Variants in ZSCAN2 observed in about 807,000 individuals in gnomAD.
ZSCAN2 encodes zinc finger and SCAN domain containing 2, also known as zinc finger and SCAN domain-containing protein 2.
ZSCAN2 carries 26 observed loss-of-function variants against 47.8 expected under a neutral mutation model. The observed-to-expected ratio is 0.54, with a 90% CI of 0.40 to 0.75. The LOEUF (loss-of-function observed/expected upper bound fraction) is 0.75. ZSCAN2 is among the 30% of genes least tolerant of loss of function. ZSCAN2 has a pLI of 0.00. For missense variants in ZSCAN2, 732 were observed against 785.4 expected (o/e 0.93, Z 0.81); for synonymous variants, 305 against 288.7 (o/e 1.06, Z -0.57).
At chr15:84,616,546 T>C (rs1439401575) in intron 2 of ZSCAN2, 8 of 1,310,028 alleles carry the variant, frequency 6.1e-6, no homozygotes, top group Non-Finnish European at 6.8e-6. Flanking sequence ...AGCCCTGACA[T>C]GTATTTTGGT....
At chr15:84,602,587 C>CTTTTTTTTTT (rs981357914) in intron 1 of ZSCAN2, among the ~76,000 whole-genome samples, 60 of 115,710 alleles carry the variant, frequency 5.2e-4, no homozygotes, top group Middle Eastern at 5.0e-3. Context: ...CTTTTCTTTT[C>CTTTTTTTTTT]TTTTTTTTTT....
intron 2 of ZSCAN2, among the ~76,000 whole-genome samples, chr15:84,605,472 T>C (rs1451829137): frequency 1.3e-5 from 2 of 152,126 alleles, no homozygotes; most frequent in Non-Finnish European, 2.9e-5. Context: ...TGAGAGGAGC[T>C]GTGCTGAGCA....
At position 84,621,540 on chromosome 15, in the gene ZSCAN2, G is replaced by A. The variant is rs1234424672; in HGVS notation, c.1345G>A (p.Gly449Arg). The A allele has an allele frequency of 6.2e-7, 1 of 1,613,606 alleles. No individual in the cohort carries two copies. Among genetic ancestry groups the A allele is most frequent in the East Asian group, 2.2e-5 (1 of 44,828 alleles). ...THMVEKPYKC[G>R]VCGKSFSQSS... is the part of the protein sequence containing the mutation. The stretch of plus-strand genomic sequence containing the variant: ...CATGGTGGAGAAGCCCTATAAGTGT[G>A]GGGTGTGTGGGAAGAGCTTCAGCCA... The change falls in exon 3 of 3, where the codon GGG becomes AGG. Residue 449 changes from glycine (G) to arginine (R), a missense_variant. Gly to Arg is a moderately radical substitution (Grantham distance 125). Around this residue, in one of 2 missense-constraint regions of ZSCAN2, gnomAD observed 412 missense variants for 498.0 expected, o/e 0.83. Transcript: ENST00000546148. This position sits in a 1 kb window ranked among gnomAD's most constrained non-coding sequence, Gnocchi z 5.7.
At chr15:84,614,664 G>A (rs1392163107) in intron 2 of ZSCAN2, 1 of 152,190 alleles carries the variant, frequency 6.6e-6, no homozygotes. Context: ...GAGTCGCCCA[G>A]GCTGGAGTGC....
At chr15:84,607,711 G>T (rs541745204) in intron 2 of ZSCAN2, among the ~76,000 whole-genome samples, 2 of 152,154 alleles carry the variant, frequency 1.3e-5, no homozygotes, top group East Asian at 1.9e-4. Context: ...GTTTCACCAC[G>T]TTGGTCAGAC....
At chr15:84,609,088 C>T (rs916592849) in intron 2 of ZSCAN2, among the ~76,000 whole-genome samples, 1 of 152,228 alleles carries the variant, frequency 6.6e-6, no homozygotes, top group Non-Finnish European at 1.5e-5. Context: ...TCAGAGGCAA[C>T]AGGTGATTTG....
chr15:84,615,742 C>G (rs2141787818), intron 2 of ZSCAN2, among the ~76,000 whole-genome samples: 1 of 152,248 alleles, frequency 6.6e-6, no homozygotes, highest in South Asian at 2.1e-4. Context: ...TTCCAAGATG[C>G]CTATTCCCAT....
chr15:84,602,031 G>C (rs1895220158), intron 1 of ZSCAN2: 1 of 139,906 alleles, frequency 7.1e-6, no homozygotes, highest in South Asian at 2.3e-4. Flanking sequence ...TCCGCTCACC[G>C]CATCCTCTGC....
At chr15:84,601,836 G>A (rs28612692) in intron 1 of ZSCAN2, 14,334 of 152,090 alleles carry the variant, frequency 0.094, 763 homozygotes, top group Admixed American at 0.15. Context: ...GTGAGCTACA[G>A]CGCTTGGGCT....
At chr15:84,604,984 C>T (rs1316184676) in intron 2 of ZSCAN2, among the ~76,000 whole-genome samples, 1 of 152,136 alleles carries the variant, frequency 6.6e-6, no homozygotes, top group Non-Finnish European at 1.5e-5. Flanking sequence ...GATCCGCCCA[C>T]CTCAGCCCCC....
Position 84,603,850 on chromosome 15 carries a change from A to G in ZSCAN2, c.-78A>G. The G allele has an allele frequency of 6.7e-7, 1 of 1,487,562 alleles. No homozygotes were observed. The highest frequency in any genetic ancestry group is 2.1e-5 in the Admixed American group (1 of 47,938). 92.1% of individuals were successfully genotyped at this position (1,487,562 alleles called of 1,614,324 possible). ...CTACTTGTTGATATTTGAGGAGGGA[A>G]GTGTCTTACCTGAGAGCCTGGCTGG... On this transcript the variant is annotated 5_prime_UTR_variant, in exon 2 of 3. Transcript: ENST00000546148.
At position 84,604,159 on chromosome 15, in the gene ZSCAN2, G is replaced by A. The variant is rs551029258; in HGVS notation, c.232G>A (p.Gly78Ser). The change falls in exon 2 of 3, where the codon GGC becomes AGC. Residue 78 changes from glycine (G) to serine (S), a missense_variant. Physicochemically the swap from Gly to Ser is moderately conservative, Grantham distance 56. This residue lies in a region of ZSCAN2 where 320 missense variants were observed against 287.4 expected (regional missense o/e 1.11). Coordinates refer to ENST00000546148, the MANE Select transcript of ZSCAN2 (RefSeq NM_181877.4). ...GACCAGGGGACCACAGGGTGCACTC[G>A]GCCGCCTCCGAGAGCTCTGCCGGCG... Reference protein sequence around the residue: ...EVTRGPQGALGRLRELCRRWL... With the variant: ...EVTRGPQGALSRLRELCRRWL... 18 of 1,613,604 alleles carry A rather than the reference G, an allele frequency of 1.1e-5. No homozygotes were observed. The highest frequency in any genetic ancestry group is 3.3e-4 in the Middle Eastern group (2 of 6,062).
At chr15:84,610,895 A>G (rs998866599) in intron 2 of ZSCAN2, among the ~76,000 whole-genome samples, 1 of 152,246 alleles carries the variant, frequency 6.6e-6, no homozygotes, top group African/African-American at 2.4e-5. Flanking sequence ...ATGAGTCAAA[A>G]TCCTTGATCT....
At chr15:84,616,240 AAAAT>A in intron 2 of ZSCAN2, 14 of 908,230 alleles carry the variant, frequency 1.5e-5, no homozygotes, top group Admixed American at 5.3e-5. Flanking sequence ...TCATCTCAAA[AAAAT>A]AAATAAATAA....
At chr15:84,620,255 C>T (rs1189877242) in intron 2 of ZSCAN2, among the ~76,000 whole-genome samples, 1 of 152,110 alleles carries the variant, frequency 6.6e-6, no homozygotes, top group South Asian at 2.1e-4. Context: ...CATTCATGTC[C>T]CTGCAAAAGA....
Position 84,604,011 on chromosome 15 carries a change from G to T in ZSCAN2, c.84G>T (p.Glu28Asp), listed in dbSNP as rs1188713702. 6.2e-7 allele frequency: 1 copy of T among 1,614,064 alleles called. No individual in the cohort carries two copies. Among genetic ancestry groups the T allele is most frequent in the East Asian group, 2.2e-5 (1 of 44,888 alleles). ...CTCAAGAGGAAGATAGACAGGAGGAGGAGGTCACCACCATGATCCTGGAGG... is the reference window on the plus strand; with the variant it reads ...CTCAAGAGGAAGATAGACAGGAGGATGAGGTCACCACCATGATCCTGGAGG... ...QVPQEEDRQEEEVTTMILEDD... is the reference protein window; with the variant it reads ...QVPQEEDRQEDEVTTMILEDD... Residue 28 changes from glutamate (E) to aspartate (D), a missense_variant, in exon 2 of 3, where the codon GAG becomes GAT. Physicochemically the swap from Glu to Asp is conservative, Grantham distance 45. This residue lies in a region of ZSCAN2 where 320 missense variants were observed against 287.4 expected (regional missense o/e 1.11). Transcript: ENST00000546148.
At chr15:84,613,981 CTT>C (rs35815000) in intron 2 of ZSCAN2, among the ~76,000 whole-genome samples, 1 of 52,332 alleles carries the variant, frequency 1.9e-5, no homozygotes, top group Non-Finnish European at 3.3e-5. Flanking sequence ...CTCTTGGCCT[CTT>C]TTTTTTTTTT....
chr15:84,609,573 G>A (rs185929783), intron 2 of ZSCAN2, among the ~76,000 whole-genome samples: 1 of 152,270 alleles, frequency 6.6e-6, no homozygotes, highest in East Asian at 1.9e-4. Context: ...CCTATGAAAT[G>A]TTTAGCATTC....
intron 2 of ZSCAN2, among the ~76,000 whole-genome samples, chr15:84,609,004 C>G (rs968269820): frequency 6.6e-6 from 1 of 152,218 alleles, no homozygotes; most frequent in African/African-American, 2.4e-5. Context: ...CAAGCCTACT[C>G]TTGTCCAACA....
Sources: allele counts gnomAD v4.1 joint callset (sites outside exome capture counted in the v4.1 genomes callset), GRCh38; gene constraint gnomAD v4.1.1; regional missense constraint gnomAD v4.1.1; non-coding constraint Gnocchi (gnomAD v3.1); transcripts MANE v1.5; gene names NCBI Gene and HGNC (gene_info 2026-07-23, HGNC 2026-07-21).